ARL13B: variants seen among roughly 807,000 people sequenced by gnomAD.
ARL13B encodes the protein ARF like GTPase 13B, also known as ADP-ribosylation factor-like protein 13B.
A neutral mutation model predicts 56.1 loss-of-function variants in ARL13B; 36 were observed. That is an observed-to-expected ratio of 0.64 (90% CI 0.49 to 0.85). The LOEUF is 0.85. Among genes scored for constraint, ARL13B ranks in the 40% least tolerant of loss-of-function variants. The pLI is 0.00. For synonymous variants in ARL13B, 178 were observed against 171.1 expected (o/e 1.04, Z -0.32); for missense variants, 519 against 507.1 (o/e 1.02, Z -0.23).
intron 1 of ARL13B, among the ~76,000 whole-genome samples, chr3:93,992,078 A>G (rs751307535): frequency 3.0e-4 from 45 of 152,162 alleles, no homozygotes; most frequent in Middle Eastern, 3.2e-3. Flanking sequence ...GTTTGAGCCT[A>G]ATAGCCTATA....
chr3:94,013,806 G>A (rs984555494), intron 3 of ARL13B, among the ~76,000 whole-genome samples: 1 of 152,150 alleles, frequency 6.6e-6, no homozygotes, highest in African/African-American at 2.4e-5. Flanking sequence ...AATTAACCGA[G>A]TGTGGTGGTG....
intron 1 of ARL13B, among the ~76,000 whole-genome samples, chr3:93,992,363 T>G (rs2075891666): frequency 6.6e-6 from 1 of 152,164 alleles, no homozygotes; most frequent in South Asian, 2.1e-4. Flanking sequence ...TGATGCTTGT[T>G]TGTTTATTTG....
At chr3:94,012,197 A>C (rs752607825) in intron 3 of ARL13B, among the ~76,000 whole-genome samples, 1 of 152,098 alleles carries the variant, frequency 6.6e-6, no homozygotes, top group South Asian at 2.1e-4. Context: ...CACCTTACAT[A>C]GCATTTATTT....
At chr3:94,014,685 A>G (rs911345423) in intron 3 of ARL13B, 4 of 1,613,374 alleles carry the variant, frequency 2.5e-6, no homozygotes, top group Non-Finnish European at 3.4e-6. Flanking sequence ...GTAAGCTTTC[A>G]TTAAAAACTT....
At chr3:94,033,999 C>G (rs562353571) in intron 3 of ARL13B, among the ~76,000 whole-genome samples, 2 of 151,950 alleles carry the variant, frequency 1.3e-5, no homozygotes, top group East Asian at 3.9e-4. Flanking sequence ...AATATAGATT[C>G]AAAAAGAGTT....
In ARL13B at chr3:94,039,946, AC is replaced by A; in HGVS notation, c.758del (p.Pro253GlnfsTer8). ...TSGLAELDPE[P>X]TNPFQPIASV... Reference sequence around the variant, plus strand: ...GTGGTCTGGCTGAGTTGGACCCAGAACCAACGAATCCTTTCCAGCCAATAGC... The same window carrying A: ...GTGGTCTGGCTGAGTTGGACCCAGAACAACGAATCCTTTCCAGCCAATAGC... On this transcript the variant is annotated frameshift_variant, in exon 6 of 10. Coordinates refer to ENST00000394222, the MANE Select transcript of ARL13B (RefSeq NM_001174150.2). LOFTEE classifies it high-confidence loss of function. 1.2e-6 allele frequency: 2 copies of A among 1,614,076 alleles called. No individual in the cohort carries two copies. Among genetic ancestry groups the A allele is most frequent in the Non-Finnish European group, 1.7e-6 (2 of 1,179,996 alleles).
intron 3 of ARL13B, among the ~76,000 whole-genome samples, chr3:94,034,485 G>C (rs2076732953): frequency 6.6e-6 from 1 of 151,216 alleles, no homozygotes; most frequent in Non-Finnish European, 1.5e-5. Context: ...TTGGTGTCCA[G>C]TTTGTCTCTA....
intron 7 of ARL13B, among the ~76,000 whole-genome samples, chr3:94,046,491 T>C (rs1256896240): frequency 6.6e-6 from 1 of 152,170 alleles, no homozygotes; most frequent in Non-Finnish European, 1.5e-5. Context: ...ATCATCCATG[T>C]TGTAGCATGT....
chr3:94,023,833 ATTT>A (rs2076500922), intron 3 of ARL13B, among the ~76,000 whole-genome samples: 1 of 152,168 alleles, frequency 6.6e-6, no homozygotes, highest in Non-Finnish European at 1.5e-5. Context: ...AAAAGAAAAA[ATTT>A]AGCAGGAGAT....
intron 2 of ARL13B, among the ~76,000 whole-genome samples, chr3:93,997,498 T>C (rs377426466): frequency 7.2e-5 from 11 of 152,340 alleles, no homozygotes; most frequent in African/African-American, 2.4e-4. Context: ...GTCTATGATT[T>C]TTTCTAAAGC....
At chr3:94,020,412 G>T (rs1375317801) in intron 3 of ARL13B, among the ~76,000 whole-genome samples, 1 of 152,160 alleles carries the variant, frequency 6.6e-6, no homozygotes, top group Non-Finnish European at 1.5e-5. Context: ...GATTCTGGCA[G>T]TATAGTTTGA....
At chr3:94,015,126 C>T (rs748441794) in intron 3 of ARL13B, 2 of 1,613,944 alleles carry the variant, frequency 1.2e-6, no homozygotes, top group Non-Finnish European at 1.7e-6. Flanking sequence ...GTAGGTGTCT[C>T]TCAGCTACAG....
rs552335126 is a variant in ARL13B at position 94,008,161 on chromosome 3, A to T, written c.380+4253A>T. Among the ~76,000 whole-genome samples the T allele has an allele frequency of 9.2e-5, 14 of 152,330 alleles. No homozygotes were observed. The East Asian group carries it at 2.7e-3, about 29-fold the overall frequency. ...TTGCATTCCTTTTAAAGAGAGTAAA[A>T]ATAAATGCCATGCAAACATTATGCT... On this transcript the variant is annotated intron_variant, in intron 3 of 9. Transcript: ENST00000394222.
At chr3:94,001,487 G>A (rs1434869697) in intron 2 of ARL13B, among the ~76,000 whole-genome samples, 1 of 152,110 alleles carries the variant, frequency 6.6e-6, no homozygotes, top group East Asian at 1.9e-4. Context: ...TTCATTTCAA[G>A]ATTTTATTTC....
At chr3:93,990,454 G>A (rs1425098517) in intron 1 of ARL13B, among the ~76,000 whole-genome samples, 2 of 151,994 alleles carry the variant, frequency 1.3e-5, no homozygotes, top group Admixed American at 1.3e-4. Context: ...TTTCATTTAT[G>A]TTGTATATAC....
chr3:94,050,695 A>G (rs769660872), intron 8 of ARL13B, 129 bp from the exon 9 acceptor site: 78 of 748,118 alleles, frequency 1.0e-4, no homozygotes, highest in Admixed American at 4.6e-4. Flanking sequence ...GGCTTTCCAT[A>G]CTGTCATTCA....
chr3:94,026,631 T>C (rs1223494679), intron 3 of ARL13B, among the ~76,000 whole-genome samples: 2 of 152,326 alleles, frequency 1.3e-5, no homozygotes, highest in East Asian at 3.9e-4. Context: ...ACAGGATTCA[T>C]ATAAGCATAA....
chr3:93,980,702 T>C (rs1461567304), intron 1 of ARL13B, among the ~76,000 whole-genome samples: 1 of 151,860 alleles, frequency 6.6e-6, no homozygotes, highest in Admixed American at 6.6e-5. Flanking sequence ...TGTTATATTT[T>C]AAATAGGTTT....
intron 1 of ARL13B, among the ~76,000 whole-genome samples, chr3:93,983,839 A>G (rs940983459): frequency 1.3e-5 from 2 of 152,150 alleles, no homozygotes; most frequent in Non-Finnish European, 2.9e-5. Flanking sequence ...TCTGTAGTAC[A>G]ATTGACACTT....
Sources: allele counts gnomAD v4.1 joint callset (sites outside exome capture counted in the v4.1 genomes callset), GRCh38; gene constraint gnomAD v4.1.1; transcripts MANE v1.5; gene names NCBI Gene and HGNC (gene_info 2026-07-23, HGNC 2026-07-21).